Variants in UBE2L5 observed in about 807,000 individuals in gnomAD.
UBE2L5 encodes the protein ubiquitin-conjugating enzyme E2 L5.
In UBE2L5, 3 loss-of-function variants were observed where a neutral mutation model predicts 10.0. The ratio of observed to expected loss-of-function variants is 0.30; its 90% CI spans 0.14 to 0.78. UBE2L5 has a LOEUF of 0.78. Among genes scored for constraint, UBE2L5 ranks in the 30% least tolerant of loss-of-function variants. The pLI is 0.65. For missense variants in UBE2L5, 131 were observed against 193.3 expected, an observed-to-expected ratio of 0.68 and a Z score of 1.91; for synonymous variants, 60 against 71.9, an observed-to-expected ratio of 0.83 and a Z score of 0.83.
At position 30,428,011 on chromosome 13, in the gene UBE2L5, G is replaced by A. The variant is rs1885564457; in HGVS notation, c.21G>A (p.Leu7=). 1 of 1,595,036 alleles carries A rather than the reference G, an allele frequency of 6.3e-7. No individual in the cohort carries two copies. Among genetic ancestry groups the A allele is most frequent in the East Asian group, 2.2e-5 (1 of 44,790 alleles). The change falls in exon 4 of 4, where the codon CTG becomes CTA. Residue 7 remains leucine (L), a synonymous_variant. Transcript: ENST00000635918. ...CCAAGATGGCGGCCAGCAGGAGGCT[G>A]ATGAAGGAGCTTGAAGAAATCCGCA... is the stretch of plus-strand genomic sequence containing the variant. MAASRR[L]MKELEEIRKC...
chr13:30,429,146 G>A lies in UBE2L5; in HGVS notation c.*691G>A, dbSNP rs763448483. On this transcript the variant is annotated 3_prime_UTR_variant, in exon 4 of 4. Transcript: ENST00000635918. ...AATAAACAAATAAAAGTAGCCGGGC[G>A]TGGTGGCAGACTCCTGTAATCCCAG... 6.6e-6 allele frequency among the ~76,000 whole-genome samples: 1 copy of A among 151,938 alleles called. No homozygotes were observed. Among genetic ancestry groups the A allele is most frequent in the African/African-American group, 2.4e-5 (1 of 41,364 alleles).
At chr13:30,425,150 C>T (rs1008438664) in intron 2 of UBE2L5, among the ~76,000 whole-genome samples, 4 of 152,304 alleles carry the variant, frequency 2.6e-5, no homozygotes, top group Admixed American at 2.0e-4. Flanking sequence ...AACATTTTAA[C>T]ATTTAATCCT....
chr13:30,427,166 C>A (rs558393853), intron 3 of UBE2L5, 195 bp from the exon 4 acceptor site: 172 of 152,256 alleles, frequency 1.1e-3, no homozygotes, highest in African/African-American at 4.1e-3. Flanking sequence ...TGAGTTATAT[C>A]TGAAAATTCA....
Position 30,428,732 on chromosome 13 carries a change from C to A in UBE2L5, c.*277C>A, listed in dbSNP as rs922879320. On this transcript the variant is annotated 3_prime_UTR_variant, in exon 4 of 4. Coordinates refer to ENST00000635918, the MANE Select transcript of UBE2L5 (RefSeq NM_001355247.2). ...AGTTGTTGTTTTAAAAACATAAAAT[C>A]TGGCTACCCTAACGGGATAAGAGTT... is the stretch of plus-strand genomic sequence containing the variant. 4 of 360,448 alleles carry A rather than the reference C, an allele frequency of 1.1e-5. No individual in the cohort carries two copies. The highest frequency in any genetic ancestry group is 1.9e-5 in the Non-Finnish European group (4 of 206,192). The allele number at this position is 360,448 out of a possible 1,614,324, so 22.3% of individuals were successfully genotyped here.
rs1885567361 is a variant in UBE2L5, at chr13:30,428,170, G to A, written c.180G>A (p.Glu60=). ...GAATCGAAATCAACTTTCCAGCAGA[G>A]TACCCATTCAAACCACCGAGGATCA... is the stretch of plus-strand genomic sequence containing the variant. The part of the protein sequence containing the change: ...AFRIEINFPA[E]YPFKPPRITF... The change falls in exon 4 of 4, where the codon GAG becomes GAA. Residue 60 remains glutamate, a synonymous_variant. Coordinates refer to ENST00000635918, the MANE Select transcript of UBE2L5 (RefSeq NM_001355247.2). 1 of 1,606,490 alleles carries A rather than the reference G, an allele frequency of 6.2e-7. No individual in the cohort carries two copies.
intron 2 of UBE2L5, among the ~76,000 whole-genome samples, chr13:30,425,460 G>A (rs1462914158): frequency 6.6e-6 from 1 of 152,200 alleles, no homozygotes; most frequent in Admixed American, 6.5e-5. Flanking sequence ...ACAAAGCCCA[G>A]GGCCTGGCAT....
Position 30,428,410 on chromosome 13 carries a change from T to C in UBE2L5, c.420T>C (p.Ala140=), listed in dbSNP as rs1885571446. 6.2e-7 allele frequency: 1 copy of C among 1,611,192 alleles called. No homozygotes were observed. The highest frequency in any genetic ancestry group is 1.3e-5 in the African/African-American group (1 of 74,762). Residue 140 remains alanine (A), a synonymous_variant, in exon 4 of 4, where the codon GCT becomes GCC. Coordinates refer to ENST00000635918, the MANE Select transcript of UBE2L5 (RefSeq NM_001355247.2). ...SNDRKKFCKN[A]EEFTKKYGEK... is the part of the protein sequence containing the mutation. ...ACCGTAAAAAATTCTGTAAGAATGC[T>C]GAAGAGTTTACAAAGAAATATGGGG...
chr13:30,427,836 G>A lies in UBE2L5; in HGVS notation c.-155G>A. 1.5e-6 allele frequency: 1 copy of A among 674,704 alleles called. No homozygotes were observed. The highest frequency in any genetic ancestry group is 2.4e-5 in the Admixed American group (1 of 41,886). The allele number at this position is 674,704 out of a possible 1,614,324, so 41.8% of individuals were successfully genotyped here. On this transcript the variant is annotated 5_prime_UTR_variant, in exon 4 of 4. Coordinates refer to ENST00000635918, the MANE Select transcript of UBE2L5 (RefSeq NM_001355247.2). ...AAAAAATTATAATGTATAGGATTGT[G>A]GATGATCACTCTAACCAACCAGTGG...
rs1405899361 is a variant in UBE2L5 at position 30,427,729 on chromosome 13, G to A, written c.-262G>A. 4 of 451,694 alleles carry A rather than the reference G, an allele frequency of 8.9e-6. No individual in the cohort carries two copies. Among genetic ancestry groups the A allele is most frequent in the East Asian group, 3.9e-5 (1 of 25,764 alleles). The allele number at this position is 451,694 out of a possible 1,614,324, so 28.0% of individuals were successfully genotyped here. A position where few individuals can be genotyped will look rare whatever the true frequency, so the allele number is the denominator to read the frequency against. On this transcript the variant is annotated 5_prime_UTR_variant, in exon 4 of 4. Transcript: ENST00000635918. ...CGAGGCGAGAGGATGGCTTGAACCC[G>A]GGAGGCTGAGGTTGCAATGAGCAGA...
At chr13:30,423,392 AT>A (rs1885493390) in intron 1 of UBE2L5, among the ~76,000 whole-genome samples, 1 of 152,154 alleles carries the variant, frequency 6.6e-6, no homozygotes, top group African/African-American at 2.4e-5. Flanking sequence ...CAGGAGGATC[AT>A]TTGAGTCCAG....
rs2137358364 is a variant in UBE2L5 at position 30,425,504 on chromosome 13, C to T, written c.-685+603C>T. On this transcript the variant is annotated intron_variant, in intron 2 of 3. Transcript: ENST00000635918. Reference sequence around the variant, plus strand: ...AGTTCCTGCCTTTCCTACCACTCACCATTCAATACCATCTCTAATGCCTTC... The same window carrying T: ...AGTTCCTGCCTTTCCTACCACTCACTATTCAATACCATCTCTAATGCCTTC... Among the ~76,000 whole-genome samples, 2 of 152,352 alleles carry T rather than the reference C, an allele frequency of 1.3e-5. 1 individual carries two copies. The highest frequency in any genetic ancestry group is 4.1e-4 in the South Asian group (2 of 4,828).
chr13:30,426,955 T>G (rs1278241235), intron 3 of UBE2L5, 177 bp downstream of exon 3: 1 of 70,902 alleles, frequency 1.4e-5, no homozygotes, highest in Non-Finnish European at 3.8e-5. Flanking sequence ...TGCATTCATA[T>G]TCCATAACTT....
Position 30,428,236 on chromosome 13 carries a change from G to C in UBE2L5, c.246G>C (p.Lys82Asn). The C allele has an allele frequency of 1.9e-6, 3 of 1,608,242 alleles. No individual in the cohort carries two copies. Among genetic ancestry groups the C allele is most frequent in the Non-Finnish European group, 2.6e-6 (3 of 1,175,558 alleles). Reference protein sequence around the residue: ...TKIYHPNIDEKGQVCLPVISA... With the variant: ...TKIYHPNIDENGQVCLPVISA... ...TCTATCACCCGAACATCGACGAAAA[G>C]GGGCAGGTCTGTCTGCCAGTAATTA... The change falls in exon 4 of 4, where the codon AAG (lysine) becomes AAC (asparagine). Residue 82 changes from lysine to asparagine, a missense_variant. Lys to Asn is a moderately conservative substitution (Grantham distance 94, BLOSUM62 0). Transcript: ENST00000635918.
rs994567083 is a variant in UBE2L5, at chr13:30,429,676, T to C, written c.*1221T>C. ...TCACTCTCCTCCTTTTATGAAATAA[T>C]TTTTAGAAATTGAGCTGTTAAAGGT... On this transcript the variant is annotated 3_prime_UTR_variant, in exon 4 of 4. Transcript: ENST00000635918. 1.3e-5 allele frequency among the ~76,000 whole-genome samples: 2 copies of C among 152,252 alleles called. No homozygotes were observed. The highest frequency in any genetic ancestry group is 4.8e-5 in the African/African-American group (2 of 41,468).
Position 30,427,689 on chromosome 13 carries a change from A to G in UBE2L5, c.-302A>G. 2.6e-6 allele frequency: 1 copy of G among 391,322 alleles called. No homozygotes were observed. Among genetic ancestry groups the G allele is most frequent in the African/African-American group, 2.1e-5 (1 of 48,256 alleles). The allele number at this position is 391,322 out of a possible 1,614,324, so 24.2% of individuals were successfully genotyped here. A position where few individuals can be genotyped will look rare whatever the true frequency, so the allele number is the denominator to read the frequency against. On this transcript the variant is annotated 5_prime_UTR_variant, in exon 4 of 4. Coordinates refer to ENST00000635918, the MANE Select transcript of UBE2L5 (RefSeq NM_001355247.2). The stretch of plus-strand genomic sequence containing the variant: ...CATGGTGGCACGTGCCTGTAATCAC[A>G]GCCACTTGGGAGGCCGAGGCGAGAG...
intron 1 of UBE2L5, among the ~76,000 whole-genome samples, chr13:30,423,603 T>C (rs1009029000): frequency 1.3e-5 from 2 of 152,012 alleles, no homozygotes; most frequent in Non-Finnish European, 2.9e-5. Context: ...CTCAAAAAAA[T>C]AAAATAAACT....
intron 2 of UBE2L5, among the ~76,000 whole-genome samples, chr13:30,426,435 A>G (rs1885540843): frequency 6.6e-6 from 1 of 152,244 alleles, no homozygotes; most frequent in African/African-American, 2.4e-5. Flanking sequence ...CTGGGGATAC[A>G]GCAACGGACA....
chr13:30,425,305 T>C (rs117689061), intron 2 of UBE2L5, among the ~76,000 whole-genome samples: 1 of 152,334 alleles, frequency 6.6e-6, no homozygotes, highest in East Asian at 1.9e-4. Context: ...TGCAGCTCCA[T>C]TGGATGCACT....
chr13:30,428,554 A>C lies in UBE2L5; in HGVS notation c.*99A>C. On this transcript the variant is annotated 3_prime_UTR_variant, in exon 4 of 4. Transcript: ENST00000635918. Reference sequence around the variant, plus strand: ...GACTCTGTGGAAATTGATACGTGCCACCGTCTGGCGTTCGCTTGCAGCAGT... The same window carrying C: ...GACTCTGTGGAAATTGATACGTGCCCCCGTCTGGCGTTCGCTTGCAGCAGT... The C allele has an allele frequency of 1.4e-6, 2 of 1,397,888 alleles. No individual in the cohort carries two copies. Among genetic ancestry groups the C allele is most frequent in the Non-Finnish European group, 2.0e-6 (2 of 1,025,360 alleles). 86.6% of individuals were successfully genotyped at this position (1,397,888 alleles called of 1,614,324 possible).
Sources: allele counts gnomAD v4.1 joint callset (sites outside exome capture counted in the v4.1 genomes callset), GRCh38; gene constraint gnomAD v4.1.1; transcripts MANE v1.5; gene names NCBI Gene and HGNC (gene_info 2026-07-23, HGNC 2026-07-21).